FOXK1: variants seen among roughly 807,000 people sequenced by gnomAD.
FOXK1 encodes forkhead box K1, also known as forkhead box protein K1.
Under a neutral mutation model 51.9 loss-of-function variants are expected in FOXK1, and 19 were observed. That is an observed-to-expected ratio of 0.37 (90% CI 0.26 to 0.54). The LOEUF is 0.54. Among genes scored for constraint, FOXK1 ranks in the 20% least tolerant of loss-of-function variants. The pLI is 0.87. For missense variants in FOXK1, 870 were observed against 1,032.7 expected (o/e 0.84, Z 2.16); for synonymous variants, 537 against 482.6 (o/e 1.11, Z -1.48).
chr7:4,759,998 C>G (rs1302315362), intron 7 of FOXK1: 1 of 203,184 alleles, frequency 4.9e-6, no homozygotes, highest in African/African-American at 2.4e-5. Flanking sequence ...CCACTGCACT[C>G]CAGCCTGGGC....
intron 1 of FOXK1, among the ~76,000 whole-genome samples, chr7:4,732,852 C>T (rs1250344251): frequency 6.6e-6 from 1 of 152,222 alleles, no homozygotes; most frequent in Non-Finnish European, 1.5e-5. Flanking sequence ...GCCCCTTACA[C>T]GTGTGCCTCT....
At chr7:4,704,557 A>G (rs1483641195) in intron 1 of FOXK1, among the ~76,000 whole-genome samples, 1 of 151,602 alleles carries the variant, frequency 6.6e-6, no homozygotes, top group Non-Finnish European at 1.5e-5. Context: ...ATTACCGGGT[A>G]CTTTGTGAAT....
At chr7:4,719,156 G>A (rs1180307206) in intron 1 of FOXK1, among the ~76,000 whole-genome samples, 1 of 148,628 alleles carries the variant, frequency 6.7e-6, no homozygotes, top group Non-Finnish European at 1.5e-5. Flanking sequence ...TTGTTTTTGA[G>A]ACAGGGTCTC....
chr7:4,700,675 G>C (rs1780009943), intron 1 of FOXK1, among the ~76,000 whole-genome samples: 1 of 151,992 alleles, frequency 6.6e-6, no homozygotes, highest in Middle Eastern at 3.2e-3. Flanking sequence ...AATTAGCCAG[G>C]TGTGGTATCA....
chr7:4,765,842 G>C lies in FOXK1; in HGVS notation c.*3378G>C, dbSNP rs1181000150. ...AAAGAACGTCTTAAGTAGAGCAAAGGCATCCACCGAGGCCATTTGGTGGCC... is the reference window on the plus strand; with the variant it reads ...AAAGAACGTCTTAAGTAGAGCAAAGCCATCCACCGAGGCCATTTGGTGGCC... On this transcript the variant is annotated 3_prime_UTR_variant, in exon 9 of 9. Transcript: ENST00000328914. 5.3e-5 allele frequency: 8 copies of C among 152,372 alleles called. No individual in the cohort carries two copies. The highest frequency in any genetic ancestry group is 1.2e-4 in the Non-Finnish European group (8 of 68,044). The allele number at this position is 152,372 out of a possible 1,614,324, so 9.4% of individuals were successfully genotyped here.
rs1217258129 is a variant in FOXK1, at chr7:4,745,935, C to T, written c.746+4912C>T. On this transcript the variant is annotated intron_variant, in intron 2 of 8. Coordinates refer to ENST00000328914, the MANE Select transcript of FOXK1 (RefSeq NM_001037165.2). The surrounding 1 kb of genome is among the most constrained non-coding windows in gnomAD (Gnocchi z 4.3). ...AATTAAAGTATTTAATGAAAGAATTCAAGTAGTTAATCATTTTCTAGGTTC... is the reference window on the plus strand; with the variant it reads ...AATTAAAGTATTTAATGAAAGAATTTAAGTAGTTAATCATTTTCTAGGTTC... 6.6e-6 allele frequency among the ~76,000 whole-genome samples: 1 copy of T among 151,990 alleles called. No homozygotes were observed. The highest frequency in any genetic ancestry group is 2.4e-5 in the African/African-American group (1 of 41,366).
Position 4,707,405 on chromosome 7 carries a change from G to T in FOXK1, c.560+24537G>T, listed in dbSNP as rs907525446. ...CTAGTTTAGTACATCCGGCAATGCT[G>T]CTGAAAGCAGGCCTCTCCCTGGGCG... On this transcript the variant is annotated intron_variant, in intron 1 of 8. Transcript: ENST00000328914. This position sits in a 1 kb window ranked among gnomAD's most constrained non-coding sequence, Gnocchi z 4.1. 1.3e-5 allele frequency among the ~76,000 whole-genome samples: 2 copies of T among 152,244 alleles called. No individual in the cohort carries two copies. The highest frequency in any genetic ancestry group is 4.8e-5 in the African/African-American group (2 of 41,462).
At chr7:4,710,745 C>A (rs771517389) in intron 1 of FOXK1, among the ~76,000 whole-genome samples, 2 of 152,054 alleles carry the variant, frequency 1.3e-5, no homozygotes, top group African/African-American at 4.8e-5. Context: ...GCTCTGCAGC[C>A]CCAGCGGTGC....
intron 1 of FOXK1, among the ~76,000 whole-genome samples, chr7:4,685,892 G>A (rs1487653595): frequency 6.6e-6 from 1 of 151,092 alleles, no homozygotes; most frequent in African/African-American, 2.4e-5. Flanking sequence ...GCAGTGAGCT[G>A]AGATCACGCC....
chr7:4,698,617 G>T (rs1184227143), intron 1 of FOXK1, among the ~76,000 whole-genome samples: 1 of 152,016 alleles, frequency 6.6e-6, no homozygotes, highest in African/African-American at 2.4e-5. Flanking sequence ...CAGTGGCACA[G>T]TCATAGCTCA....
rs969395720 is a variant in FOXK1, at chr7:4,723,919, C to T, written c.561-16919C>T. Among the ~76,000 whole-genome samples, 4 of 152,330 alleles carry T rather than the reference C, an allele frequency of 2.6e-5. No individual in the cohort carries two copies. In the South Asian group the frequency reaches 8.3e-4, roughly 32 times the overall value. On this transcript the variant is annotated intron_variant, in intron 1 of 8. Coordinates refer to ENST00000328914, the MANE Select transcript of FOXK1 (RefSeq NM_001037165.2). This position sits in a 1 kb window ranked among gnomAD's most constrained non-coding sequence, Gnocchi z 4.7. ...CTCCTAGGCTCAAGCGATCCTCCTACCTCAGCTTCCCAAAGTGCTGGGATT... is the reference window on the plus strand; with the variant it reads ...CTCCTAGGCTCAAGCGATCCTCCTATCTCAGCTTCCCAAAGTGCTGGGATT...
chr7:4,692,514 G>C lies in FOXK1; in HGVS notation c.560+9646G>C, dbSNP rs1030143475. ...GGGTTCAAGCAATTCTCCTGCCTCAGCCTCCCGAGTAGCTGGGATAAACAG... is the reference window on the plus strand; with the variant it reads ...GGGTTCAAGCAATTCTCCTGCCTCACCCTCCCGAGTAGCTGGGATAAACAG... On this transcript the variant is annotated intron_variant, in intron 1 of 8. Transcript: ENST00000328914. Among the ~76,000 whole-genome samples, 4 of 152,304 alleles carry C rather than the reference G, an allele frequency of 2.6e-5. No homozygotes were observed. In the East Asian group the frequency reaches 7.7e-4, roughly 29 times the overall value.
At chr7:4,713,004 G>C (rs7455271) in intron 1 of FOXK1, among the ~76,000 whole-genome samples, 93 of 151,792 alleles carry the variant, frequency 6.1e-4, no homozygotes, top group Non-Finnish European at 1.2e-3. Context: ...ATAATGACCA[G>C]TGCCAGCAAA....
In FOXK1 at chr7:4,755,165, G is replaced by C. The variant is rs1296823206; in HGVS notation, c.904-72G>C. 1.3e-6 allele frequency: 2 copies of C among 1,568,730 alleles called. No individual in the cohort carries two copies. Among genetic ancestry groups the C allele is most frequent in the Non-Finnish European group, 1.7e-6 (2 of 1,150,250 alleles). On this transcript the variant is annotated intron_variant, in intron 3 of 8. Coordinates refer to ENST00000328914, the MANE Select transcript of FOXK1 (RefSeq NM_001037165.2). The surrounding 1 kb of genome is among the most constrained non-coding windows in gnomAD (Gnocchi z 6.6). ...CTCGTGGGAAGGTTCCTCCCCATCAGCTGTGACGGGTGGGTGGGGTAGACT... is the reference window on the plus strand; with the variant it reads ...CTCGTGGGAAGGTTCCTCCCCATCACCTGTGACGGGTGGGTGGGGTAGACT...
At chr7:4,706,063 T>TATATAC (rs1562373279) in intron 1 of FOXK1, among the ~76,000 whole-genome samples, 14 of 110,224 alleles carry the variant, frequency 1.3e-4, no homozygotes, top group Admixed American at 8.0e-4. Flanking sequence ...TGTATATATA[T>TATATAC]GTGTATATAT....
At chr7:4,725,606 G>A (rs986306299) in intron 1 of FOXK1, among the ~76,000 whole-genome samples, 7 of 152,260 alleles carry the variant, frequency 4.6e-5, no homozygotes, top group Admixed American at 2.6e-4. Context: ...TCCGGGCCTC[G>A]CCCATGCTCC....
rs939088293 is a variant in FOXK1 at position 4,756,834 on chromosome 7, C to T, written c.1051-160C>T. On this transcript the variant is annotated intron_variant, in intron 4 of 8. Coordinates refer to ENST00000328914, the MANE Select transcript of FOXK1 (RefSeq NM_001037165.2). The surrounding 1 kb of genome is among the most constrained non-coding windows in gnomAD (Gnocchi z 4.1). The stretch of plus-strand genomic sequence containing the variant: ...GATAGGAATGACCTGCCCTGTGCCT[C>T]GGTGCTGCTCCCGTGAGGCCCAGCC... Among the ~76,000 whole-genome samples, 5 of 152,228 alleles carry T rather than the reference C, an allele frequency of 3.3e-5. No individual in the cohort carries two copies. Among genetic ancestry groups the T allele is most frequent in the African/African-American group, 7.2e-5 (3 of 41,536 alleles).
intron 1 of FOXK1, among the ~76,000 whole-genome samples, chr7:4,732,763 A>T (rs575287783): frequency 6.6e-6 from 1 of 152,216 alleles, no homozygotes; most frequent in African/African-American, 2.4e-5. Flanking sequence ...TTGTAGACAC[A>T]CATGGCTTTC....
rs968616485 is a variant in FOXK1 at position 4,683,141 on chromosome 7, C to A, written c.560+273C>A. ...GTCTGGATACCCCGTCGCCCCCGAC[C>A]CCCACCGGCCTGGACTCTGGGGTCA... On this transcript the variant is annotated intron_variant, in intron 1 of 8. Transcript: ENST00000328914. The surrounding 1 kb of genome is among the most constrained non-coding windows in gnomAD (Gnocchi z 4.5). Among the ~76,000 whole-genome samples, 1 of 152,004 alleles carries A rather than the reference C, an allele frequency of 6.6e-6. No homozygotes were observed. The highest frequency in any genetic ancestry group is 2.4e-5 in the African/African-American group (1 of 41,392).
Sources: gnomAD v4.1 joint callset for allele counts (sites outside exome capture counted in the v4.1 genomes callset) on GRCh38, gnomAD v4.1.1 for gene constraint, Gnocchi (gnomAD v3.1) non-coding constraint, MANE v1.5 for transcripts, NCBI Gene and HGNC (gene_info 2026-07-23, HGNC 2026-07-21) for gene names.